Variants in ANKRD52 observed in about 807,000 individuals in gnomAD.
The protein encoded by ANKRD52 is serine/threonine-protein phosphatase 6 regulatory ankyrin repeat subunit C.
ANKRD52 carries 7 observed loss-of-function variants against 116.0 expected under a neutral mutation model. The ratio of observed to expected loss-of-function variants is 0.06; its 90% CI spans 0.03 to 0.11. The LOEUF is 0.11. Ranked by LOEUF, ANKRD52 falls within the 10% of genes least tolerant of loss-of-function variation. The pLI is 1.00. For synonymous variants in ANKRD52, 528 were observed against 578.1 expected (o/e 0.91, Z 1.24); for missense variants, 839 against 1,408.6 (o/e 0.60, Z 6.47).
rs2135896568 is a variant in ANKRD52, at chr12:56,258,223, G to A, written c.27+20C>T. ...GCCGAGCCCTGGAAGGAGGAAGCGG[G>A]AAAGGGCAGGAGGGCTGACCTGGTC... On this transcript the variant is annotated intron_variant, in intron 1 of 27. Coordinates refer to ENST00000267116, the MANE Select transcript of ANKRD52 (RefSeq NM_173595.4). The A allele has an allele frequency of 6.3e-7, 1 of 1,599,212 alleles. No homozygotes were observed. Among genetic ancestry groups the A allele is most frequent in the Non-Finnish European group, 8.5e-7 (1 of 1,174,120 alleles).
At chr12:56,245,951 G>A (rs1592388434) in intron 20 of ANKRD52, among the ~76,000 whole-genome samples, 2 of 151,832 alleles carry the variant, frequency 1.3e-5, no homozygotes. Context: ...TCCTCACCTC[G>A]TGATCCGCCT....
chr12:56,248,700 C>A lies in ANKRD52; in HGVS notation c.1704+59G>T. 6.6e-7 allele frequency: 1 copy of A among 1,522,862 alleles called. No individual in the cohort carries two copies. Among genetic ancestry groups the A allele is most frequent in the Non-Finnish European group, 9.0e-7 (1 of 1,115,294 alleles). 94.3% of individuals were successfully genotyped at this position (1,522,862 alleles called of 1,614,324 possible). On this transcript the variant is annotated intron_variant, in intron 16 of 27. Coordinates refer to ENST00000267116, the MANE Select transcript of ANKRD52 (RefSeq NM_173595.4). The surrounding 1 kb of genome is among the most constrained non-coding windows in gnomAD (Gnocchi z 5.1). The stretch of plus-strand genomic sequence containing the variant: ...TTGATTGAACCCTTAGTTTTGGAAT[C>A]CACAAACCCTGTGCCCTGCCCCTGC...
At position 56,252,936 on chromosome 12, in the gene ANKRD52, G is replaced by A. The variant is rs1474384197; in HGVS notation, c.1184-39C>T. 1 of 1,605,038 alleles carries A rather than the reference G, an allele frequency of 6.2e-7. No homozygotes were observed. Among genetic ancestry groups the A allele is most frequent in the East Asian group, 2.2e-5 (1 of 44,604 alleles). On this transcript the variant is annotated intron_variant, in intron 11 of 27. Transcript: ENST00000267116. The surrounding 1 kb of genome is among the most constrained non-coding windows in gnomAD (Gnocchi z 4.7). ...ACAGCCACAGGTCACATCTGAGAGT[G>A]TTCAGCAGGGAGGGAAAGGCCTTTG...
rs1469397183 is a variant in ANKRD52, at chr12:56,258,298, G to C, written c.-29C>G. 1.4e-5 allele frequency: 21 copies of C among 1,544,382 alleles called. No homozygotes were observed. Among genetic ancestry groups the C allele is most frequent in the Non-Finnish European group, 1.8e-5 (21 of 1,149,078 alleles). On this transcript the variant is annotated 5_prime_UTR_variant, in exon 1 of 28. Transcript: ENST00000267116. The stretch of plus-strand genomic sequence containing the variant: ...TCGGCCCGGGCTCCGTCCGCATCGA[G>C]CTCCCGGCGGCGGCGGCGGCGGCTC...
rs1296805671 is a variant in ANKRD52, at chr12:56,253,414, T to C, written c.986-12A>G. 6.2e-7 allele frequency: 1 copy of C among 1,603,592 alleles called. No individual in the cohort carries two copies. Among genetic ancestry groups the C allele is most frequent in the Non-Finnish European group, 8.5e-7 (1 of 1,171,052 alleles). ...ATCAATCTCGCTGCCTGTGAGGGGA[T>C]GCACACACACAAGCTCAGGCAGACC... On this transcript the variant is annotated splice_polypyrimidine_tract_variant and intron_variant, in intron 9 of 27. Transcript: ENST00000267116. The surrounding 1 kb of genome is among the most constrained non-coding windows in gnomAD (Gnocchi z 5.5).
At position 56,245,005 on chromosome 12, in the gene ANKRD52, G is replaced by A. The variant is rs1418506919; in HGVS notation, c.2493-16C>T. On this transcript the variant is annotated splice_polypyrimidine_tract_variant and intron_variant, in intron 22 of 27. Transcript: ENST00000267116. ...GTTATTAATCCTAGAGGAAGAGGGA[G>A]GAGGGGTCATCAGGAAGGACAAGGG... 1.9e-6 allele frequency: 3 copies of A among 1,613,760 alleles called. No homozygotes were observed. The highest frequency in any genetic ancestry group is 1.7e-6 in the Non-Finnish European group (2 of 1,179,718).
Position 56,243,831 on chromosome 12 carries a change from C to A in ANKRD52, c.2934G>T (p.Gln978His). 2 of 1,566,704 alleles carry A rather than the reference C, an allele frequency of 1.3e-6. No homozygotes were observed. Among genetic ancestry groups the A allele is most frequent in the Non-Finnish European group, 1.7e-6 (2 of 1,155,450 alleles). ...AARNGLASVV[Q>H]ALLSHGATVL... ...CTGTGGCCCCATGACTCAGCAGGGC[C>A]TGTACCACAGAAGCTAGACCATTCC... Residue 978 changes from glutamine (Q) to histidine (H), a missense_variant, in exon 27 of 28, where the codon CAG (glutamine) becomes CAT (histidine). Physicochemically the swap from Gln to His is conservative, Grantham distance 24 (BLOSUM62 0). Coordinates refer to ENST00000267116, the MANE Select transcript of ANKRD52 (RefSeq NM_173595.4). This position sits in a 1 kb window ranked among gnomAD's most constrained non-coding sequence, Gnocchi z 4.6.
In ANKRD52 at chr12:56,251,565, T is replaced by C. The variant is rs117632237; in HGVS notation, c.1592+450A>G. On this transcript the variant is annotated intron_variant, in intron 15 of 27. Transcript: ENST00000267116. ...CCAGCCTCATCTTTTATCCTTAGTA[T>C]CTAGCACAGTACTTGGAACCTAGTA... Among the ~76,000 whole-genome samples the C allele has an allele frequency of 2.7e-3, 408 of 152,198 alleles. 13 individuals are homozygous for C. The East Asian group carries it at 0.043, about 16-fold the overall frequency.
Position 56,244,671 on chromosome 12 carries a change from G to A in ANKRD52, c.2703C>T (p.Asn901=), listed in dbSNP as rs201117129. ...ACACACCCACAGCAGCGGTCTGCCC[G>A]TTCTCAGCCGCCGTCATGAGCGCAG... ...GRTALMTAAE[N]GQTAAVEFLL... The change falls in exon 24 of 28, where the codon AAC becomes AAT. Residue 901 remains asparagine (N), a synonymous_variant. Coordinates refer to ENST00000267116, the MANE Select transcript of ANKRD52 (RefSeq NM_173595.4). The surrounding 1 kb of genome is among the most constrained non-coding windows in gnomAD (Gnocchi z 4.9). 2.4e-3 allele frequency: 3,813 copies of A among 1,613,822 alleles called. 34 individuals are homozygous for A. The highest frequency in any genetic ancestry group is 2.7e-3 in the Non-Finnish European group (3,229 of 1,179,878).
chr12:56,246,325 C>T (rs900078823), intron 20 of ANKRD52, among the ~76,000 whole-genome samples: 11 of 152,152 alleles, frequency 7.2e-5, no homozygotes, highest in African/African-American at 1.7e-4. Flanking sequence ...CCACCATGCC[C>T]GGCCCTTTAC....
rs1454766192 is a variant in ANKRD52 at position 56,242,205 on chromosome 12, A to C, written c.*937T>G. The C allele has an allele frequency of 2.5e-6, 1 of 398,494 alleles. No homozygotes were observed. Among genetic ancestry groups the C allele is most frequent in the African/African-American group, 2.1e-5 (1 of 48,628 alleles). 24.7% of individuals were successfully genotyped at this position (398,494 alleles called of 1,614,324 possible). ...CAAACACATGCCTGAAACACAGTGGACATACTAGGGCTGTGGTTTTGAAAT... is the reference window on the plus strand; with the variant it reads ...CAAACACATGCCTGAAACACAGTGGCCATACTAGGGCTGTGGTTTTGAAAT... On this transcript the variant is annotated 3_prime_UTR_variant, in exon 28 of 28. Coordinates refer to ENST00000267116, the MANE Select transcript of ANKRD52 (RefSeq NM_173595.4). The surrounding 1 kb of genome is among the most constrained non-coding windows in gnomAD (Gnocchi z 4.3).
chr12:56,258,286 C>G lies in ANKRD52; in HGVS notation c.-17G>C. ...GATCCCCATGGCTCGGCCCGGGCTC[C>G]GTCCGCATCGAGCTCCCGGCGGCGG... On this transcript the variant is annotated 5_prime_UTR_variant, in exon 1 of 28. Coordinates refer to ENST00000267116, the MANE Select transcript of ANKRD52 (RefSeq NM_173595.4). The G allele has an allele frequency of 6.4e-7, 1 of 1,561,026 alleles. No homozygotes were observed. Among genetic ancestry groups the G allele is most frequent in the East Asian group, 2.5e-5 (1 of 39,558 alleles).
At position 56,253,895 on chromosome 12, in the gene ANKRD52, A is replaced by T. The variant is rs1871817997; in HGVS notation, c.907-95T>A. ...CCCTTCCAAGGACATATCTCTAAGG[A>T]CAAAAGGGTCATATGGCACCTTCTT... On this transcript the variant is annotated intron_variant, in intron 8 of 27. Coordinates refer to ENST00000267116, the MANE Select transcript of ANKRD52 (RefSeq NM_173595.4). This position sits in a 1 kb window ranked among gnomAD's most constrained non-coding sequence, Gnocchi z 5.5. 7.0e-7 allele frequency: 1 copy of T among 1,438,108 alleles called. No homozygotes were observed. The highest frequency in any genetic ancestry group is 1.2e-5 in the South Asian group (1 of 84,870). 89.1% of individuals were successfully genotyped at this position (1,438,108 alleles called of 1,614,324 possible).
In ANKRD52 at chr12:56,248,695, G is replaced by C; in HGVS notation, c.1704+64C>G. On this transcript the variant is annotated intron_variant, in intron 16 of 27. Transcript: ENST00000267116. This position sits in a 1 kb window ranked among gnomAD's most constrained non-coding sequence, Gnocchi z 5.1. ...CACATTTGATTGAACCCTTAGTTTT[G>C]GAATCCACAAACCCTGTGCCCTGCC... The C allele has an allele frequency of 6.6e-7, 1 of 1,508,182 alleles. No individual in the cohort carries two copies. Among genetic ancestry groups the C allele is most frequent in the Non-Finnish European group, 9.1e-7 (1 of 1,103,178 alleles). The allele number at this position is 1,508,182 out of a possible 1,614,324, so 93.4% of individuals were successfully genotyped here. A position where few individuals can be genotyped will look rare whatever the true frequency, so the allele number is the denominator to read the frequency against.
At position 56,255,050 on chromosome 12, in the gene ANKRD52, C is replaced by G; in HGVS notation, c.463-98G>C. ...CATCTCCTGAAAAGGCTGAGGCAGC[C>G]TAATGCCTTTTTCCATGAGCAAAAC... is the stretch of plus-strand genomic sequence containing the variant. On this transcript the variant is annotated intron_variant, in intron 5 of 27. Transcript: ENST00000267116. The surrounding 1 kb of genome is among the most constrained non-coding windows in gnomAD (Gnocchi z 4.3). 4 of 1,290,148 alleles carry G rather than the reference C, an allele frequency of 3.1e-6. No homozygotes were observed. Among genetic ancestry groups the G allele is most frequent in the Non-Finnish European group, 4.4e-6 (4 of 908,516 alleles). The allele number at this position is 1,290,148 out of a possible 1,614,324, so 79.9% of individuals were successfully genotyped here. A position where few individuals can be genotyped will look rare whatever the true frequency, so the allele number is the denominator to read the frequency against.
Position 56,248,880 on chromosome 12 carries a change from C to A in ANKRD52, c.1593-10G>T. 1 of 1,568,612 alleles carries A rather than the reference C, an allele frequency of 6.4e-7. No homozygotes were observed. Among genetic ancestry groups the A allele is most frequent in the East Asian group, 2.3e-5 (1 of 43,150 alleles). ...TAAGAACTCCAGACAGCTGGGGAGC[C>A]GGGGGTAGACTGTGAGGCAGGGACA... is the stretch of plus-strand genomic sequence containing the variant. On this transcript the variant is annotated splice_polypyrimidine_tract_variant and intron_variant, in intron 15 of 27. Transcript: ENST00000267116. The surrounding 1 kb of genome is among the most constrained non-coding windows in gnomAD (Gnocchi z 5.1).
rs766544814 is a variant in ANKRD52 at position 56,243,175 on chromosome 12, G to A, written c.3198C>T (p.Gly1066=). 28 of 1,608,152 alleles carry A rather than the reference G, an allele frequency of 1.7e-5. No individual in the cohort carries two copies. Among genetic ancestry groups the A allele is most frequent in the African/African-American group, 8.0e-5 (6 of 74,870 alleles). ...AGTAGCAGCCATCTAACCCAATGGC[G>A]CCGGGCCGCTCCTGGCTGTAGGGGC... ...ASCPYSQERP[G]AIGLDGCYSE The change falls in exon 28 of 28, where the codon GGC becomes GGT. Residue 1066 remains glycine (G), a synonymous_variant. Coordinates refer to ENST00000267116, the MANE Select transcript of ANKRD52 (RefSeq NM_173595.4). This position sits in a 1 kb window ranked among gnomAD's most constrained non-coding sequence, Gnocchi z 4.6.
chr12:56,247,242 A>C (rs955061684), intron 20 of ANKRD52, among the ~76,000 whole-genome samples: 1 of 149,994 alleles, frequency 6.7e-6, no homozygotes, highest in Non-Finnish European at 1.5e-5. Context: ...GCTACTTAGG[A>C]GGCTGAGGTG....
chr12:56,244,791 G>C lies in ANKRD52; in HGVS notation c.2583C>G (p.Pro861=), dbSNP rs773836824. The change falls in exon 24 of 28, where the codon CCC becomes CCG. Residue 861 remains proline, a synonymous_variant. Transcript: ENST00000267116. The surrounding 1 kb of genome is among the most constrained non-coding windows in gnomAD (Gnocchi z 4.9). ...VNSRDAKGRT[P]LHAAAFADNV... ...TGTCCGCGAAGGCAGCGGCGTGAAGGGGGGTCCTGTAAGGCAGGGATCAGG... is the reference window on the plus strand; with the variant it reads ...TGTCCGCGAAGGCAGCGGCGTGAAGCGGGGTCCTGTAAGGCAGGGATCAGG... 39 of 1,613,712 alleles carry C rather than the reference G, an allele frequency of 2.4e-5. No homozygotes were observed. The African/African-American group carries it at 3.3e-4, about 14-fold the overall frequency.
Sources: gnomAD v4.1 joint callset for allele counts (sites outside exome capture counted in the v4.1 genomes callset) on GRCh38, gnomAD v4.1.1 for gene constraint, Gnocchi (gnomAD v3.1) non-coding constraint, MANE v1.5 for transcripts, NCBI Gene and HGNC (gene_info 2026-07-23, HGNC 2026-07-21) for gene names.